EIF3H: variants seen among roughly 807,000 people sequenced by gnomAD.
EIF3H encodes the protein eIF-3-gamma.
In EIF3H, 26 loss-of-function variants were observed where a neutral mutation model predicts 44.2. The observed-to-expected ratio is 0.59, with a 90% confidence interval of 0.43 to 0.82. EIF3H has a LOEUF of 0.82. Among genes scored for constraint, EIF3H ranks in the 40% least tolerant of loss-of-function variants. The probability of loss-of-function intolerance (pLI) is 0.00; values close to 1 mark genes in which losing one functional copy is unlikely to be tolerated. For synonymous variants in EIF3H, 166 were observed against 151.9 expected, an observed-to-expected ratio of 1.09 and a Z score of -0.68; for missense variants, 359 against 432.8, an observed-to-expected ratio of 0.83 and a Z score of 1.51.
rs1456872167 is a variant in EIF3H at position 116,645,031 on chromosome 8, T to C, written c.1034A>G (p.Gln345Arg). Reference sequence around the variant, plus strand: ...TTAGTTGTTGTATTCTTGAAGAGCCTGGGCCATGAAGAGCTTGCCTAAGTT... The same window carrying C: ...TTAGTTGTTGTATTCTTGAAGAGCCCGGGCCATGAAGAGCTTGCCTAAGTT... ...AQNLGKLFMA[Q>R]ALQEYNN Residue 345 changes from glutamine to arginine, a missense_variant, in exon 8 of 8, where the codon CAG becomes CGG. Physicochemically the swap from Gln to Arg is conservative, Grantham distance 43 (BLOSUM62 1). This residue lies in a region of EIF3H where 94 missense variants were observed against 96.0 expected (regional missense o/e 0.98). Coordinates refer to ENST00000521861, the MANE Select transcript of EIF3H (RefSeq NM_003756.3). 1 of 1,614,012 alleles carries C rather than the reference T, an allele frequency of 6.2e-7. No individual in the cohort carries two copies. Among genetic ancestry groups the C allele is most frequent in the African/African-American group, 1.3e-5 (1 of 74,950 alleles).
At chr8:116,766,238 A>T (rs938489411) in exon 1 of EIF3H, 6 of 206,256 alleles carry the variant, frequency 2.9e-5, no homozygotes, top group Admixed American at 2.3e-4. Context: ...CTTTCAGAGA[A>T]GCTCTTGCTA....
chr8:116,663,531 T>C (rs1463038902), intron 2 of EIF3H, among the ~76,000 whole-genome samples: 2 of 152,204 alleles, frequency 1.3e-5, no homozygotes, highest in Admixed American at 6.5e-5. Flanking sequence ...AAATTCATAA[T>C]GTTTAAGAGA....
chr8:116,752,736 A>AAAGAAAGAAAGAAGG lies in EIF3H; in HGVS notation c.132+2929_132+2930insCCTTCTTTCTTTCTT, dbSNP rs1435243692. On this transcript the variant is annotated intron_variant, in intron 1 of 7. Coordinates refer to ENST00000521861, the MANE Select transcript of EIF3H (RefSeq NM_003756.3). ...AGAAAGAAAGAAAGAAAGAAAGAAG[A>AAAGAAAGAAAGAAGG]GAAAGAAAGAAAGAAAGAGGGAGGG... Among the ~76,000 whole-genome samples, 207 of 87,116 alleles carry AAAGAAAGAAAGAAGG rather than the reference A, an allele frequency of 2.4e-3. 9 individuals carry two copies. The highest frequency in any genetic ancestry group is 3.4e-3 in the Non-Finnish European group (144 of 42,640). 57.2% of individuals were successfully genotyped at this position (87,116 alleles called of 152,430 possible). A position where few individuals can be genotyped will look rare whatever the true frequency, so the allele number is the denominator to read the frequency against.
At position 116,752,790 on chromosome 8, in the gene EIF3H, AGGGAG is replaced by A. The variant is rs1563663276; in HGVS notation, c.132+2871_132+2875del. Among the ~76,000 whole-genome samples the A allele has an allele frequency of 2.2e-3, 162 of 75,330 alleles. 9 individuals are homozygous for A. The highest frequency in any genetic ancestry group is 8.6e-3 in the African/African-American group (110 of 12,824). 49.4% of individuals were successfully genotyped at this position (75,330 alleles called of 152,430 possible). Reference sequence around the variant, plus strand: ...GAGGGAGGGAGGGAGGGAGGGAGGGAGGGAGGGAAGGAAGGAAGGAAGGAAGGAAG... The same window carrying A: ...GAGGGAGGGAGGGAGGGAGGGAGGGAGGAAGGAAGGAAGGAAGGAAGGAAG... On this transcript the variant is annotated intron_variant, in intron 1 of 7. Transcript: ENST00000521861.
chr8:116,664,618 A>G (rs1165598475), intron 2 of EIF3H, among the ~76,000 whole-genome samples: 1 of 152,212 alleles, frequency 6.6e-6, no homozygotes, highest in African/African-American at 2.4e-5. Flanking sequence ...CCACCAATGG[A>G]TAGGCTGGGA....
At chr8:116,646,405 TCTCA>T (rs1813299525) in intron 7 of EIF3H, 62 bp downstream of exon 7, 17 of 1,607,796 alleles carry the variant, frequency 1.1e-5, no homozygotes, top group South Asian at 1.1e-5. Flanking sequence ...TTTGTAAATT[TCTCA>T]CTGTCTTCTG....
intron 2 of EIF3H, among the ~76,000 whole-genome samples, chr8:116,684,661 G>C (rs1222800755): frequency 2.0e-5 from 3 of 151,956 alleles, no homozygotes; most frequent in Non-Finnish European, 2.9e-5. Context: ...TCCAGACTCA[G>C]AATTATGACC....
chr8:116,701,354 G>C (rs1814372907), intron 2 of EIF3H, among the ~76,000 whole-genome samples: 1 of 152,110 alleles, frequency 6.6e-6, no homozygotes, highest in Non-Finnish European at 1.5e-5. Flanking sequence ...TAATTGATAA[G>C]ATATAGTGTG....
At chr8:116,671,110 T>C (rs1813746285) in intron 2 of EIF3H, among the ~76,000 whole-genome samples, 1 of 152,216 alleles carries the variant, frequency 6.6e-6, no homozygotes, top group African/African-American at 2.4e-5. Flanking sequence ...GCTATACTGA[T>C]AGAAATAAAC....
chr8:116,681,000 G>A (rs988506186), intron 2 of EIF3H, among the ~76,000 whole-genome samples: 2 of 151,038 alleles, frequency 1.3e-5, no homozygotes, highest in Non-Finnish European at 2.9e-5. Context: ...TTACAGTACA[G>A]CTTAAATAAT....
chr8:116,762,788 A>G lies in EIF3H; in HGVS notation c.-27+2727T>C, dbSNP rs1309049509. ...TGAAACCCGGTCCCTACTTAAATAT[A>G]CAAAAATTAGCCGGGCATGGTGGCC... On this transcript the variant is annotated intron_variant, in intron 1 of 9. Transcript: ENST00000276682. Among the ~76,000 whole-genome samples, 8 of 152,226 alleles carry G rather than the reference A, an allele frequency of 5.3e-5. No homozygotes were observed. In the South Asian group the frequency reaches 1.7e-3, roughly 32 times the overall value.
At chr8:116,665,600 G>A (rs1029314539) in intron 2 of EIF3H, among the ~76,000 whole-genome samples, 20 of 152,088 alleles carry the variant, frequency 1.3e-4, no homozygotes, top group Admixed American at 1.1e-3. Flanking sequence ...CAACAAATAC[G>A]ACAGGGAGGT....
intron 1 of EIF3H, chr8:116,734,132 A>ACT (rs1236756972): frequency 2.8e-6 from 1 of 362,790 alleles, no homozygotes; most frequent in African/African-American, 2.1e-5. Flanking sequence ...GACCTTGGAG[A>ACT]CTCTCTAAAA....
At chr8:116,747,303 T>G (rs1402255595) in intron 1 of EIF3H, among the ~76,000 whole-genome samples, 1 of 152,186 alleles carries the variant, frequency 6.6e-6, no homozygotes, top group South Asian at 2.1e-4. Context: ...TGACCTCAGG[T>G]GATCCGCCCA....
chr8:116,760,312 C>T (rs1245140424), upstream of EIF3H, among the ~76,000 whole-genome samples: 1 of 152,166 alleles, frequency 6.6e-6, no homozygotes, highest in Admixed American at 6.5e-5. Context: ...TCATTAGCCT[C>T]ATTGAGATCA....
upstream of EIF3H, among the ~76,000 whole-genome samples, chr8:116,757,700 C>T (rs1463990935): frequency 1.3e-5 from 2 of 150,334 alleles, no homozygotes; most frequent in Non-Finnish European, 3.0e-5. Flanking sequence ...ATCTTAAGCC[C>T]AAATATATTA....
intron 1 of EIF3H, among the ~76,000 whole-genome samples, chr8:116,743,718 A>G: frequency 6.7e-6 from 1 of 149,224 alleles, no homozygotes; most frequent in East Asian, 2.0e-4. Flanking sequence ...AGATCGCACC[A>G]CTGCACTCCA....
At chr8:116,678,265 G>A (rs1465061134) in intron 2 of EIF3H, among the ~76,000 whole-genome samples, 1 of 152,274 alleles carries the variant, frequency 6.6e-6, no homozygotes, top group Non-Finnish European at 1.5e-5. Context: ...GAGGTGCCGG[G>A]ATTGCAGACG....
chr8:116,714,742 T>G (rs943486473), intron 2 of EIF3H, among the ~76,000 whole-genome samples: 1 of 152,070 alleles, frequency 6.6e-6, no homozygotes, highest in Non-Finnish European at 1.5e-5. Context: ...TGAAAAAATC[T>G]GTCAAACAGA....
Sources: gnomAD v4.1 joint callset for allele counts (sites outside exome capture counted in the v4.1 genomes callset) on GRCh38, gnomAD v4.1.1 for gene constraint, gnomAD v4.1.1 regional missense constraint, MANE v1.5 for transcripts, NCBI Gene and HGNC (gene_info 2026-07-23, HGNC 2026-07-21) for gene names.